Variants in CFAP46 observed in about 807,000 individuals in gnomAD.
CFAP46 encodes cilia- and flagella-associated protein 46.
In CFAP46, 245 loss-of-function variants were observed where a neutral mutation model predicts 325.7. The observed-to-expected ratio is 0.75, with a 90% CI of 0.68 to 0.84. The LOEUF is 0.84. Ranked by LOEUF, CFAP46 falls within the 40% of genes least tolerant of loss-of-function variation. The pLI, the probability that CFAP46 is intolerant of heterozygous loss-of-function variation, is 0.00. For synonymous variants in CFAP46, 1,523 were observed against 1,495.9 expected (o/e 1.02, Z -0.42); for missense variants, 3,346 against 3,543.0 (o/e 0.94, Z 1.41).
intron 47 of CFAP46, among the ~76,000 whole-genome samples, chr10:132,835,065 A>G (rs4880434): frequency 0.45 from 68,423 of 152,204 alleles, 15,692 homozygotes; most frequent in Admixed American, 0.54. Flanking sequence ...AGAGTGGACC[A>G]GGCCCCTCCT....
At chr10:132,908,222 CTGG>C in intron 22 of CFAP46, 1 of 543,022 alleles carries the variant, frequency 1.8e-6, no homozygotes, top group Non-Finnish European at 3.3e-6. Context: ...GCCTGGAGAC[CTGG>C]TGGAGTGCTC....
chr10:132,911,000 G>A (rs2135537579), intron 19 of CFAP46, among the ~76,000 whole-genome samples: 1 of 152,336 alleles, frequency 6.6e-6, no homozygotes, highest in Admixed American at 6.5e-5. Flanking sequence ...GTCGGTGCTG[G>A]CATTTCCTCT....
intron 17 of CFAP46, 78 bp from the exon 18 acceptor site, chr10:132,913,336 T>G: frequency 9.0e-7 from 1 of 1,105,648 alleles, no homozygotes; most frequent in South Asian, 1.5e-5. Flanking sequence ...CTGCGGGGCC[T>G]GTTAGGAACC....
rs1219380696 is a variant in CFAP46 at position 132,886,054 on chromosome 10, C to T, written c.3305-95G>A. The T allele has an allele frequency of 2.1e-6, 3 of 1,462,218 alleles. No homozygotes were observed. The highest frequency in any genetic ancestry group is 5.0e-5 in the East Asian group (2 of 40,074). 90.6% of individuals were successfully genotyped at this position (1,462,218 alleles called of 1,614,324 possible). On this transcript the variant is annotated intron_variant, in intron 25 of 57. Transcript: ENST00000368586. The surrounding 1 kb of genome is among the most constrained non-coding windows in gnomAD (Gnocchi z 5.8). ...AGACTAAGCTGCCCATCACAGTGCC[C>T]CTGAGGTGGAACCGCGGCTACAGAG...
In CFAP46 at chr10:132,877,888, G is replaced by A; in HGVS notation, c.4205C>T (p.Pro1402Leu). 6.5e-7 allele frequency: 1 copy of A among 1,546,772 alleles called. No individual in the cohort carries two copies. The highest frequency in any genetic ancestry group is 8.7e-7 in the Non-Finnish European group (1 of 1,145,846). ...TGGCCACTTGGGCATCACCTGCTTG[G>A]GCTCCTTGACTTTCTCCTCCTTTCC... Reference protein sequence around the residue: ...EKGKEEKVKEPKQSQSPAPIK... With the variant: ...EKGKEEKVKELKQSQSPAPIK... Residue 1402 changes from proline to leucine, a missense_variant, in exon 30 of 58, where the codon CCC (proline) becomes CTC (leucine). Coordinates refer to ENST00000368586, the MANE Select transcript of CFAP46 (RefSeq NM_001200049.3). The surrounding 1 kb of genome is among the most constrained non-coding windows in gnomAD (Gnocchi z 5.7).
At position 132,910,000 on chromosome 10, in the gene CFAP46, C is replaced by T; in HGVS notation, c.2568G>A (p.Arg856=). Residue 856 remains arginine, a synonymous_variant, in exon 20 of 58, where the codon CGG becomes CGA. Transcript: ENST00000368586. The part of the protein sequence containing the change: ...APEETVPTGT[R]QQLIATWVKA... ...TGACCCAGGTGGCGATAAGCTGCTGCCGGGTGCCGGTGGGCACCGTCTCCT... is the reference window on the plus strand; with the variant it reads ...TGACCCAGGTGGCGATAAGCTGCTGTCGGGTGCCGGTGGGCACCGTCTCCT... 2 of 1,543,508 alleles carry T rather than the reference C, an allele frequency of 1.3e-6. No individual in the cohort carries two copies. Among genetic ancestry groups the T allele is most frequent in the Non-Finnish European group, 1.7e-6 (2 of 1,144,356 alleles).
Position 132,812,068 on chromosome 10 carries a change from G to C in CFAP46, c.7501+717C>G, listed in dbSNP as rs75867628. On this transcript the variant is annotated intron_variant, in intron 55 of 57. Coordinates refer to ENST00000368586, the MANE Select transcript of CFAP46 (RefSeq NM_001200049.3). ...CCTGGTGGGGCTGCAGCCACAGGACGTTGAGTCAGAGGGGTGGCCTCGGCA... is the reference window on the plus strand; with the variant it reads ...CCTGGTGGGGCTGCAGCCACAGGACCTTGAGTCAGAGGGGTGGCCTCGGCA... 1.2e-3 allele frequency among the ~76,000 whole-genome samples: 183 copies of C among 152,336 alleles called. 5 individuals carry two copies. In the East Asian group the frequency reaches 0.033, roughly 28 times the overall value.
At chr10:132,930,066 G>A (rs1015129830) in intron 8 of CFAP46, among the ~76,000 whole-genome samples, 6 of 152,138 alleles carry the variant, frequency 3.9e-5, no homozygotes, top group Non-Finnish European at 2.9e-5. Flanking sequence ...TGGACACCCT[G>A]CTCCTCGCTC....
At chr10:132,925,053 G>A (rs550222243) in intron 10 of CFAP46, among the ~76,000 whole-genome samples, 167 bp from the exon 11 acceptor site, 1 of 152,340 alleles carries the variant, frequency 6.6e-6, no homozygotes, top group African/African-American at 2.4e-5. Flanking sequence ...ACTCTTTCTA[G>A]GAGGAAGTGG....
At position 132,912,233 on chromosome 10, in the gene CFAP46, C is replaced by CTCTCCT. The variant is rs760005712; in HGVS notation, c.2499+421_2499+422insAGGAGA. On this transcript the variant is annotated intron_variant, in intron 19 of 57. Coordinates refer to ENST00000368586, the MANE Select transcript of CFAP46 (RefSeq NM_001200049.3). ...CCCTCTCCTCTCTCTTCTCCTCTCT[C>CTCTCCT]CTGTCCTCTTTCCTCTCTCTCTCTT... Among the ~76,000 whole-genome samples the CTCTCCT allele has an allele frequency of 2.1e-4, 27 of 129,706 alleles. 2 individuals carry two copies. In the East Asian group the frequency reaches 4.2e-3, roughly 20 times the overall value. 85.1% of individuals were successfully genotyped at this position (129,706 alleles called of 152,430 possible). A position where few individuals can be genotyped will look rare whatever the true frequency, so the allele number is the denominator to read the frequency against.
chr10:132,926,561 G>A lies in CFAP46; in HGVS notation c.1065+7C>T. The A allele has an allele frequency of 1.3e-6, 2 of 1,531,540 alleles. No homozygotes were observed. Among genetic ancestry groups the A allele is most frequent in the Non-Finnish European group, 1.7e-6 (2 of 1,142,868 alleles). The allele number at this position is 1,531,540 out of a possible 1,614,324, so 94.9% of individuals were successfully genotyped here. ...GCCAGGTGTATGACTCCTGCGTAAG[G>A]ACTGACCTCAACAGCCGCTCGGTTG... On this transcript the variant is annotated splice_region_variant and intron_variant, in intron 10 of 57. Transcript: ENST00000368586.
At chr10:132,819,951 T>C (rs1847762523) in intron 50 of CFAP46, among the ~76,000 whole-genome samples, 1 of 152,278 alleles carries the variant, frequency 6.6e-6, no homozygotes, top group Non-Finnish European at 1.5e-5. Flanking sequence ...GCAAAAGTGA[T>C]CTATGGAGTG....
chr10:132,864,045 C>T (rs1457952919), intron 35 of CFAP46, among the ~76,000 whole-genome samples: 3 of 147,862 alleles, frequency 2.0e-5, no homozygotes, highest in East Asian at 2.1e-4. Flanking sequence ...GACCTGCACA[C>T]ACCTGTCCCC....
chr10:132,851,168 C>T lies in CFAP46; in HGVS notation c.5712G>A (p.Lys1904=). ...GQQSEQGSLE[K]LLADYLQNTS... is the part of the protein sequence containing the mutation. ...TGTTCTGCAGATAGTCCGCCAGCAG[C>T]TTCTCCAGGGACCCCTGCTCACTCT... Residue 1904 remains lysine, a synonymous_variant, in exon 40 of 58, where the codon AAG becomes AAA. Transcript: ENST00000368586. 1.2e-6 allele frequency: 2 copies of T among 1,614,122 alleles called. No homozygotes were observed. The highest frequency in any genetic ancestry group is 1.7e-6 in the Non-Finnish European group (2 of 1,180,050).
rs115455397 is a variant in CFAP46 at position 132,845,409 on chromosome 10, C to T, written c.6438+648G>A. 8.3e-3 allele frequency among the ~76,000 whole-genome samples: 1,262 copies of T among 152,302 alleles called. 17 individuals carry two copies. The highest frequency in any genetic ancestry group is 0.027 in the African/African-American group (1,140 of 41,564). On this transcript the variant is annotated intron_variant, in intron 44 of 57. Coordinates refer to ENST00000368586, the MANE Select transcript of CFAP46 (RefSeq NM_001200049.3). ...AGCCAGTGGCGGATGCTGCCCCCGCCCCACCCTCACCAGCAAAGCATTGTC... is the reference window on the plus strand; with the variant it reads ...AGCCAGTGGCGGATGCTGCCCCCGCTCCACCCTCACCAGCAAAGCATTGTC...
At chr10:132,862,203 C>T (rs1452128448) in intron 35 of CFAP46, among the ~76,000 whole-genome samples, 1 of 152,156 alleles carries the variant, frequency 6.6e-6, no homozygotes, top group Non-Finnish European at 1.5e-5. Flanking sequence ...CAGGGGGCTG[C>T]AGGCCTCTGA....
intron 24 of CFAP46, chr10:132,898,651 C>CA (rs1172416672): frequency 2.3e-6 from 1 of 431,946 alleles, no homozygotes; most frequent in Non-Finnish European, 4.4e-6. Flanking sequence ...GCCTAGAATC[C>CA]AAGCCTCTTA....
chr10:132,925,034 G>T, intron 10 of CFAP46, 148 bp from the exon 11 acceptor site: 1 of 591,496 alleles, frequency 1.7e-6, no homozygotes, highest in South Asian at 5.2e-5. Context: ...CGTGAAAATG[G>T]CCAGAGTGAC....
At chr10:132,851,675 G>A (rs1044149501) in intron 39 of CFAP46, among the ~76,000 whole-genome samples, 1 of 152,232 alleles carries the variant, frequency 6.6e-6, no homozygotes, top group Non-Finnish European at 1.5e-5. Flanking sequence ...ACTCCCCCAC[G>A]CGGCTGCACG....
Sources: allele counts gnomAD v4.1 joint callset (sites outside exome capture counted in the v4.1 genomes callset), GRCh38; gene constraint gnomAD v4.1.1; non-coding constraint Gnocchi (gnomAD v3.1); transcripts MANE v1.5; gene names NCBI Gene and HGNC (gene_info 2026-07-23, HGNC 2026-07-21).